Variants in PARD3B observed in about 807,000 individuals in gnomAD.
PARD3B encodes the protein partitioning defective 3 homolog B.
Under a neutral mutation model 130.2 loss-of-function variants are expected in PARD3B, and 103 were observed. The ratio of observed to expected loss-of-function variants is 0.79; its 90% CI spans 0.67 to 0.93. PARD3B has a LOEUF of 0.93. Ranked by LOEUF, PARD3B falls within the 40% of genes least tolerant of loss-of-function variation. The pLI, the probability that PARD3B is intolerant of heterozygous loss-of-function variation, is 0.00. For missense variants in PARD3B, 1,609 were observed against 1,499.2 expected (o/e 1.07, Z -1.21); for synonymous variants, 583 against 553.2 (o/e 1.05, Z -0.76).
Position 204,594,429 on chromosome 2 carries a change from T to A in PARD3B, c.120+48310T>A, listed in dbSNP as rs546326365. ...AAAGAAATTTAGAGAAGGTGACTAG[T>A]GATTATGCGTGGAGAACTTGCTGTA... On this transcript the variant is annotated intron_variant, in intron 1 of 22. Coordinates refer to ENST00000406610, the MANE Select transcript of PARD3B (RefSeq NM_001302769.2). 2.0e-5 allele frequency among the ~76,000 whole-genome samples: 3 copies of A among 152,316 alleles called. No individual in the cohort carries two copies. In the South Asian group the frequency reaches 6.2e-4, roughly 32 times the overall value.
chr2:205,253,220 C>T lies in PARD3B; in HGVS notation c.2185+7398C>T, dbSNP rs981223284. 10 of 415,704 alleles carry T rather than the reference C, an allele frequency of 2.4e-5. No homozygotes were observed. Among genetic ancestry groups the T allele is most frequent in the African/African-American group, 6.1e-5 (3 of 49,100 alleles). The allele number at this position is 415,704 out of a possible 1,614,324, so 25.8% of individuals were successfully genotyped here. ...GGTGTTGACCAGCAATTTCCTGCGG[C>T]ATTTACTTCTTGATAACAAGAGTGA... On this transcript the variant is annotated intron_variant, in intron 16 of 22. Coordinates refer to ENST00000406610, the MANE Select transcript of PARD3B (RefSeq NM_001302769.2). This position sits in a 1 kb window ranked among gnomAD's most constrained non-coding sequence, Gnocchi z 4.4.
In PARD3B at chr2:205,091,391, G is replaced by A. The variant is rs148245445; in HGVS notation, c.505-13035G>A. 5.3e-4 allele frequency among the ~76,000 whole-genome samples: 80 copies of A among 152,152 alleles called. No homozygotes were observed. Among genetic ancestry groups the A allele is most frequent in the Middle Eastern group, 3.4e-3 (1 of 294 alleles). On this transcript the variant is annotated intron_variant, in intron 4 of 22. Coordinates refer to ENST00000406610, the MANE Select transcript of PARD3B (RefSeq NM_001302769.2). This position sits in a 1 kb window ranked among gnomAD's most constrained non-coding sequence, Gnocchi z 4.2. ...TTTCAAAGAGGCTCCAGAAAAGATC[G>A]CAGCATTGGCGACCTCTCACTTTTC...
chr2:204,579,249 C>T (rs1466463828), intron 1 of PARD3B, among the ~76,000 whole-genome samples: 1 of 152,048 alleles, frequency 6.6e-6, no homozygotes, highest in East Asian at 1.9e-4. Flanking sequence ...TTAATCCTTG[C>T]AGCAATCTCA....
intron 5 of PARD3B, among the ~76,000 whole-genome samples, chr2:205,110,838 A>C (rs2125591616): frequency 6.6e-6 from 1 of 152,174 alleles, no homozygotes; most frequent in Admixed American, 6.5e-5. Context: ...AGTTTATCTA[A>C]ACAAATAGCA....
intron 3 of PARD3B, among the ~76,000 whole-genome samples, chr2:204,998,442 GTA>G (rs1255807101): frequency 2.6e-5 from 2 of 78,222 alleles, no homozygotes; most frequent in African/African-American, 5.3e-5. Context: ...ATATGTGTGT[GTA>G]TATATATGTG....
intron 21 of PARD3B, among the ~76,000 whole-genome samples, chr2:205,512,892 T>A (rs973219064): frequency 1.3e-5 from 2 of 152,142 alleles, no homozygotes; most frequent in Admixed American, 1.3e-4. Context: ...TTTTCTCTTT[T>A]GTTTTCCCAT....
At chr2:205,112,408 A>T (rs373767407) in intron 5 of PARD3B, among the ~76,000 whole-genome samples, 5 of 152,132 alleles carry the variant, frequency 3.3e-5, no homozygotes, top group African/African-American at 1.2e-4. Flanking sequence ...TTCATCATGC[A>T]TTTTGCTTAA....
At chr2:204,842,275 A>G (rs1575114032) in intron 2 of PARD3B, among the ~76,000 whole-genome samples, 1 of 152,138 alleles carries the variant, frequency 6.6e-6, no homozygotes, top group South Asian at 2.1e-4. Flanking sequence ...CCAGGTGGGT[A>G]CTAAATATTA....
At chr2:205,013,671 A>G (rs1169755072) in intron 3 of PARD3B, among the ~76,000 whole-genome samples, 1 of 152,226 alleles carries the variant, frequency 6.6e-6, no homozygotes, top group Non-Finnish European at 1.5e-5. Context: ...AAACAAAAGC[A>G]AAAAATCAGT....
At chr2:205,242,845 AT>A (rs2039410975) in intron 15 of PARD3B, among the ~76,000 whole-genome samples, 1 of 151,476 alleles carries the variant, frequency 6.6e-6, no homozygotes. Context: ...TTTTTCCCCC[AT>A]TTCTCATATG....
intron 2 of PARD3B, among the ~76,000 whole-genome samples, chr2:204,940,911 TA>T (rs923920686): frequency 2.1e-4 from 24 of 115,884 alleles, no homozygotes; most frequent in Admixed American, 9.6e-5. Flanking sequence ...GAATAAAGAT[TA>T]AAAAAATACA....
intron 10 of PARD3B, among the ~76,000 whole-genome samples, chr2:205,150,946 T>C (rs1450356363): frequency 7.4e-6 from 1 of 135,890 alleles, no homozygotes; most frequent in Non-Finnish European, 1.7e-5. Context: ...CTATAGTTAA[T>C]AACATTGTAG....
At chr2:205,074,405 C>T (rs1328229008) in intron 4 of PARD3B, among the ~76,000 whole-genome samples, 2 of 152,098 alleles carry the variant, frequency 1.3e-5, no homozygotes, top group Non-Finnish European at 2.9e-5. Context: ...CTAATTCTAC[C>T]TTGATGGGTT....
chr2:205,541,406 T>G (rs2052130840), intron 21 of PARD3B, among the ~76,000 whole-genome samples: 1 of 149,422 alleles, frequency 6.7e-6, no homozygotes, highest in Admixed American at 6.7e-5. Context: ...TGGAATGCAA[T>G]GGCGTGATCT....
intron 2 of PARD3B, among the ~76,000 whole-genome samples, chr2:204,787,700 C>G (rs1574982825): frequency 6.6e-6 from 1 of 152,176 alleles, no homozygotes; most frequent in Non-Finnish European, 1.5e-5. Context: ...TGTAACTCTC[C>G]TCTACCACTG....
At chr2:204,744,228 A>T (rs969663527) in intron 2 of PARD3B, among the ~76,000 whole-genome samples, 1 of 152,092 alleles carries the variant, frequency 6.6e-6, no homozygotes, top group African/African-American at 2.4e-5. Flanking sequence ...TCCAACTTGG[A>T]CCATATATTC....
intron 3 of PARD3B, among the ~76,000 whole-genome samples, chr2:204,996,855 C>CT (rs910094012): frequency 2.7e-5 from 4 of 147,510 alleles, no homozygotes; most frequent in African/African-American, 1.0e-4. Context: ...CAGGTGCGTC[C>CT]GTCACCCCTT....
In PARD3B at chr2:205,287,258, CAATGGAAAGAAAACAATTTCAAACTAGT is replaced by C. The variant is rs749078143; in HGVS notation, c.2186-13271_2186-13244del. 6.6e-6 allele frequency among the ~76,000 whole-genome samples: 1 copy of C among 152,156 alleles called. No homozygotes were observed. The highest frequency in any genetic ancestry group is 1.5e-5 in the Non-Finnish European group (1 of 68,034). ...AATATGAAGTCAAGACTGTGAGTTA[CAATGGAAAGAAAACAATTTCAAACTAGT>C]TTTGCAAAGATAATTTCTTGACTCC... On this transcript the variant is annotated intron_variant, in intron 16 of 22. Coordinates refer to ENST00000406610, the MANE Select transcript of PARD3B (RefSeq NM_001302769.2). The surrounding 1 kb of genome is among the most constrained non-coding windows in gnomAD (Gnocchi z 4.8).
chr2:204,802,183 T>C (rs954935424), intron 2 of PARD3B, among the ~76,000 whole-genome samples: 2 of 152,170 alleles, frequency 1.3e-5, no homozygotes, highest in African/African-American at 4.8e-5. Context: ...GGGCAAAGGA[T>C]ATGAACAGGC....
Sources: allele counts gnomAD v4.1 joint callset (sites outside exome capture counted in the v4.1 genomes callset), GRCh38; gene constraint gnomAD v4.1.1; non-coding constraint Gnocchi (gnomAD v3.1); transcripts MANE v1.5; gene names NCBI Gene and HGNC (gene_info 2026-07-23, HGNC 2026-07-21).